SBK1: variants seen among roughly 807,000 people sequenced by gnomAD.
The protein encoded by SBK1 is SH3 domain binding kinase 1.
In SBK1, 11 loss-of-function variants were observed where a neutral mutation model predicts 24.4. The observed-to-expected ratio is 0.45, with a 90% confidence interval of 0.28 to 0.75. SBK1 has a LOEUF of 0.75. Ranked by LOEUF, SBK1 falls within the 30% of genes least tolerant of loss-of-function variation. The pLI is 0.12. For synonymous variants in SBK1, 308 were observed against 284.4 expected, an observed-to-expected ratio of 1.08 and a Z score of -0.83; for missense variants, 467 against 620.5, an observed-to-expected ratio of 0.75 and a Z score of 2.63.
chr16:28,322,844 T>C lies in SBK1; in HGVS notation c.*1923T>C, dbSNP rs1335436948. The stretch of plus-strand genomic sequence containing the variant: ...TGCCTTAGGCCTCGCGACATCCTGA[T>C]CTCTCCTGCAATAACTAGGAATCGA... On this transcript the variant is annotated 3_prime_UTR_variant, in exon 4 of 4. Coordinates refer to ENST00000341901, the MANE Select transcript of SBK1 (RefSeq NM_001024401.3). 6.6e-6 allele frequency: 1 copy of C among 152,252 alleles called. No individual in the cohort carries two copies. The highest frequency in any genetic ancestry group is 1.5e-5 in the Non-Finnish European group (1 of 68,014). The allele number at this position is 152,252 out of a possible 1,614,324, so 9.4% of individuals were successfully genotyped here.
At chr16:28,261,812 A>G (rs1403931542) in intron 1 of SBK1, among the ~76,000 whole-genome samples, 1 of 152,154 alleles carries the variant, frequency 6.6e-6, no homozygotes, top group African/African-American at 2.4e-5. Context: ...CCAGAAAGAG[A>G]CAGGAATAGG....
rs2044607772 is a variant in SBK1 at position 28,292,557 on chromosome 16, C to T, written c.-751C>T. 6.5e-5 allele frequency: 64 copies of T among 978,854 alleles called. No individual in the cohort carries two copies. The highest frequency in any genetic ancestry group is 7.7e-5 in the Non-Finnish European group (64 of 827,190). 60.6% of individuals were successfully genotyped at this position (978,854 alleles called of 1,614,324 possible). A position where few individuals can be genotyped will look rare whatever the true frequency, so the allele number is the denominator to read the frequency against. On this transcript the variant is annotated 5_prime_UTR_variant, in exon 1 of 4. Transcript: ENST00000341901. ...CGATGGAGCGCAGCCCGGGCGGGCG[C>T]CGGGGCCGGGGCCCGAGCGCCAGGC...
At chr16:28,261,306 G>A (rs1476660590) in intron 1 of SBK1, among the ~76,000 whole-genome samples, 1 of 152,018 alleles carries the variant, frequency 6.6e-6, no homozygotes, top group Non-Finnish European at 1.5e-5. Flanking sequence ...TGAAAGATAG[G>A]GCATCAGGCG....
In SBK1 at chr16:28,320,107, G is replaced by A. The variant is rs1319721305; in HGVS notation, c.461G>A (p.Cys154Tyr). The change falls in exon 4 of 4, where the codon TGT becomes TAT. Residue 154 changes from cysteine to tyrosine, a missense_variant. Physicochemically the swap from Cys to Tyr is radical, Grantham distance 194. Around this residue, in one of 4 missense-constraint regions of SBK1, gnomAD observed 92 missense variants for 193.8 expected, o/e 0.47. Transcript: ENST00000341901. The surrounding 1 kb of genome is among the most constrained non-coding windows in gnomAD (Gnocchi z 8.5). Reference sequence around the variant, plus strand: ...CTCCCTGAGGACACGGTGAAGCGCTGTGTGCAGCAGCTGGGCCTGGCGCTG... The same window carrying A: ...CTCCCTGAGGACACGGTGAAGCGCTATGTGCAGCAGCTGGGCCTGGCGCTG... Reference protein sequence around the residue: ...VGLPEDTVKRCVQQLGLALDF... With the variant: ...VGLPEDTVKRYVQQLGLALDF... 6.4e-7 allele frequency: 1 copy of A among 1,555,758 alleles called. No homozygotes were observed. The highest frequency in any genetic ancestry group is 8.6e-7 in the Non-Finnish European group (1 of 1,156,198).
chr16:28,320,804 GGTGCCT>G lies in SBK1; in HGVS notation c.1164_1169del (p.Val389_Pro390del), dbSNP rs1338998523. On this transcript the variant is annotated inframe_deletion, in exon 4 of 4. Transcript: ENST00000341901. This position sits in a 1 kb window ranked among gnomAD's most constrained non-coding sequence, Gnocchi z 8.5. Reference sequence around the variant, plus strand: ...CGGTGCCGGTGCCAGTGCCCGTGCCGGTGCCTGTGCCCGAGCCCGGCCTAGCTCCCC... The same window carrying G: ...CGGTGCCGGTGCCAGTGCCCGTGCCGGTGCCCGAGCCCGGCCTAGCTCCCC... The G allele has an allele frequency of 6.9e-7, 1 of 1,439,446 alleles. No homozygotes were observed. The highest frequency in any genetic ancestry group is 1.5e-5 in the African/African-American group (1 of 66,354). The allele number at this position is 1,439,446 out of a possible 1,614,324, so 89.2% of individuals were successfully genotyped here.
At chr16:28,312,203 T>C (rs576495649) in intron 1 of SBK1, among the ~76,000 whole-genome samples, 1 of 152,260 alleles carries the variant, frequency 6.6e-6, no homozygotes, top group African/African-American at 2.4e-5. Flanking sequence ...TCAGAGCCCC[T>C]GGGGGACAGC....
chr16:28,303,120 G>C (rs1333661979), intron 1 of SBK1, among the ~76,000 whole-genome samples: 1 of 151,460 alleles, frequency 6.6e-6, no homozygotes, highest in African/African-American at 2.4e-5. Context: ...GGGAACAGTG[G>C]GGGGACCAGC....
At chr16:28,266,660 G>C (rs1378804338) in intron 1 of SBK1, among the ~76,000 whole-genome samples, 1 of 151,282 alleles carries the variant, frequency 6.6e-6, no homozygotes, top group Non-Finnish European at 1.5e-5. Context: ...TGCATGCCTT[G>C]GCCCGTGACC....
intron 1 of SBK1, among the ~76,000 whole-genome samples, chr16:28,267,776 G>GC (rs1193913955): frequency 6.6e-6 from 1 of 152,200 alleles, no homozygotes; most frequent in Non-Finnish European, 1.5e-5. Flanking sequence ...GGCATTAATA[G>GC]CCTAAGTACC....
rs2044384557 is a variant in SBK1 at position 28,259,616 on chromosome 16, T to A, written c.257+114T>A. 1 of 166,612 alleles carries A rather than the reference T, an allele frequency of 6.0e-6. No individual in the cohort carries two copies. Among genetic ancestry groups the A allele is most frequent in the South Asian group, 2.0e-4 (1 of 5,084 alleles). 10.3% of individuals were successfully genotyped at this position (166,612 alleles called of 1,614,324 possible). The stretch of plus-strand genomic sequence containing the variant: ...AGTCAATCTCTCTCTGTCCACTGCT[T>A]ACCACCCACTGCCACTTCCTGCTTC... On this transcript the variant is annotated intron_variant, in intron 1 of 3. Coordinates refer to the SBK1 transcript ENST00000671413. The surrounding 1 kb of genome is among the most constrained non-coding windows in gnomAD (Gnocchi z 6.0).
intron 1 of SBK1, among the ~76,000 whole-genome samples, chr16:28,311,553 T>C (rs2044754983): frequency 6.6e-6 from 1 of 151,800 alleles, no homozygotes; most frequent in Non-Finnish European, 1.5e-5. Flanking sequence ...AATAAAAAAT[T>C]AGCTGTGCAC....
intron 1 of SBK1, among the ~76,000 whole-genome samples, chr16:28,284,051 G>C (rs1170935899): frequency 1.3e-5 from 2 of 152,118 alleles, no homozygotes; most frequent in East Asian, 1.9e-4. Context: ...GTCTCTGTGA[G>C]CTCCTCAGTG....
At position 28,321,577 on chromosome 16, in the gene SBK1, C is replaced by G. The variant is rs1477104510; in HGVS notation, c.*656C>G. 6.5e-6 allele frequency: 1 copy of G among 152,906 alleles called. No individual in the cohort carries two copies. The highest frequency in any genetic ancestry group is 1.5e-5 in the Non-Finnish European group (1 of 68,204). The allele number at this position is 152,906 out of a possible 1,614,324, so 9.5% of individuals were successfully genotyped here. A position where few individuals can be genotyped will look rare whatever the true frequency, so the allele number is the denominator to read the frequency against. Reference sequence around the variant, plus strand: ...CAAATGTCTGGATGTCGCATAAGTGCGTGTATGTGCGGGACAGGCCCCGAG... The same window carrying G: ...CAAATGTCTGGATGTCGCATAAGTGGGTGTATGTGCGGGACAGGCCCCGAG... On this transcript the variant is annotated 3_prime_UTR_variant, in exon 4 of 4. Coordinates refer to ENST00000341901, the MANE Select transcript of SBK1 (RefSeq NM_001024401.3).
chr16:28,311,957 G>A (rs2044757299), intron 1 of SBK1, among the ~76,000 whole-genome samples: 1 of 152,250 alleles, frequency 6.6e-6, no homozygotes. Context: ...AGCCACTGGT[G>A]GCCACCAATT....
rs1244926527 is a variant in SBK1 at position 28,319,828 on chromosome 16, G to A, written c.430-248G>A. On this transcript the variant is annotated intron_variant, in intron 3 of 3. Coordinates refer to ENST00000341901, the MANE Select transcript of SBK1 (RefSeq NM_001024401.3). The surrounding 1 kb of genome is among the most constrained non-coding windows in gnomAD (Gnocchi z 4.0). The stretch of plus-strand genomic sequence containing the variant: ...CCCCTCATCAACCTCCTGGAGAGCC[G>A]CGTGTCCCTCCTGGAGCCCCGATGT... Among the ~76,000 whole-genome samples the A allele has an allele frequency of 6.6e-6, 1 of 152,090 alleles. No individual in the cohort carries two copies. The highest frequency in any genetic ancestry group is 1.5e-5 in the Non-Finnish European group (1 of 68,006).
intron 1 of SBK1, among the ~76,000 whole-genome samples, chr16:28,311,697 T>TA (rs77206937): frequency 0.026 from 3,539 of 136,934 alleles, 142 homozygotes; most frequent in African/African-American, 0.089. Flanking sequence ...ATCCTATTTC[T>TA]AAAAAAAAAA....
At position 28,317,252 on chromosome 16, in the gene SBK1, C is replaced by T; in HGVS notation, c.-7-133C>T. 1.5e-6 allele frequency: 1 copy of T among 661,414 alleles called. No individual in the cohort carries two copies. Among genetic ancestry groups the T allele is most frequent in the East Asian group, 2.7e-5 (1 of 36,730 alleles). 41.0% of individuals were successfully genotyped at this position (661,414 alleles called of 1,614,324 possible). A position where few individuals can be genotyped will look rare whatever the true frequency, so the allele number is the denominator to read the frequency against. On this transcript the variant is annotated intron_variant, in intron 1 of 3. Transcript: ENST00000341901. The surrounding 1 kb of genome is among the most constrained non-coding windows in gnomAD (Gnocchi z 4.2). ...GCGACGCGACCAAGATGCTTGTCGC[C>T]CCCTTGTGGTTATCTTGGGCCTGGC... is the stretch of plus-strand genomic sequence containing the variant.
chr16:28,309,842 G>T (rs963918138), intron 1 of SBK1, among the ~76,000 whole-genome samples: 1 of 152,192 alleles, frequency 6.6e-6, no homozygotes, highest in Non-Finnish European at 1.5e-5. Context: ...GTGTATACAC[G>T]TGTGTCTGTG....
At chr16:28,264,772 G>A (rs1255059749) in intron 1 of SBK1, among the ~76,000 whole-genome samples, 1 of 152,016 alleles carries the variant, frequency 6.6e-6, no homozygotes, top group African/African-American at 2.4e-5. Context: ...AAGAGGGGAG[G>A]GAAGAGGCTC....
Sources: allele counts gnomAD v4.1 joint callset (sites outside exome capture counted in the v4.1 genomes callset), GRCh38; gene constraint gnomAD v4.1.1; regional missense constraint gnomAD v4.1.1; non-coding constraint Gnocchi (gnomAD v3.1); transcripts MANE v1.5; gene names NCBI Gene and HGNC (gene_info 2026-07-23, HGNC 2026-07-21).